RPS6KC1: variants seen among roughly 807,000 people sequenced by gnomAD.
RPS6KC1 encodes the protein inactive ribosomal protein S6 kinase delta-1.
A neutral mutation model predicts 103.8 loss-of-function variants in RPS6KC1; 54 were observed. The observed-to-expected ratio is 0.52, with a 90% CI of 0.42 to 0.65. RPS6KC1 has a LOEUF of 0.65. Ranked by LOEUF, RPS6KC1 falls within the 30% of genes least tolerant of loss-of-function variation. RPS6KC1 has a pLI of 0.00. For synonymous variants in RPS6KC1, 439 were observed against 438.7 expected, an observed-to-expected ratio of 1.00 and a Z score of -0.01; for missense variants, 1,151 against 1,253.8, an observed-to-expected ratio of 0.92 and a Z score of 1.24.
intron 8 of RPS6KC1, among the ~76,000 whole-genome samples, chr1:213,216,206 A>G (rs1239316891): frequency 6.6e-6 from 1 of 152,206 alleles, no homozygotes; most frequent in Non-Finnish European, 1.5e-5. Flanking sequence ...ATGGAAAACA[A>G]AAAAAGGCAG....
chr1:213,266,902 TCAAACAAACAAACAAACAAA>T (rs66700615), intron 14 of RPS6KC1, among the ~76,000 whole-genome samples: 37 of 147,832 alleles, frequency 2.5e-4, no homozygotes, highest in East Asian at 6.0e-4. Context: ...AGGCTCCGTC[TCAAACAAACAAACAAACAAA>T]CAAACAAACA....
the RPS6KC1 span, among the ~76,000 whole-genome samples, chr1:213,672,697 A>C: frequency 1.3e-5 from 2 of 152,160 alleles, no homozygotes; most frequent in Non-Finnish European, 2.9e-5. Context: ...CCACATATAA[A>C]CTAATAATTT....
chr1:213,249,205 G>GAA (rs1013561583), intron 12 of RPS6KC1, among the ~76,000 whole-genome samples: 27 of 152,156 alleles, frequency 1.8e-4, no homozygotes, highest in African/African-American at 6.3e-4. Context: ...TTATAAAGAA[G>GAA]AAAGTGAACT....
intron 3 of RPS6KC1, among the ~76,000 whole-genome samples, chr1:213,085,281 C>G (rs1412214117): frequency 1.3e-5 from 2 of 152,120 alleles, no homozygotes; most frequent in Non-Finnish European, 2.9e-5. Flanking sequence ...TGAAATTGCC[C>G]TCGACTCTCT....
At chr1:213,585,247 CT>C in the RPS6KC1 span, among the ~76,000 whole-genome samples, 1 of 152,210 alleles carries the variant, frequency 6.6e-6, no homozygotes, top group Admixed American at 6.5e-5. Flanking sequence ...CTCTCATTCC[CT>C]AGCCCCATGT....
At chr1:213,287,791 C>T in the RPS6KC1 span, among the ~76,000 whole-genome samples, 4 of 152,142 alleles carry the variant, frequency 2.6e-5, no homozygotes, top group African/African-American at 9.7e-5. Flanking sequence ...GCTGCTGAGG[C>T]AGGAAGTTCC....
the RPS6KC1 span, among the ~76,000 whole-genome samples, chr1:213,651,873 C>G: frequency 1.3e-5 from 2 of 152,286 alleles, no homozygotes; most frequent in South Asian, 4.1e-4. Flanking sequence ...GTGCCGAGCT[C>G]CTTCCCACGT....
At chr1:213,344,378 G>C in the RPS6KC1 span, among the ~76,000 whole-genome samples, 3 of 152,168 alleles carry the variant, frequency 2.0e-5, no homozygotes, top group Admixed American at 6.5e-5. Flanking sequence ...TAAAAGAAGA[G>C]AATTTGGAAA....
chr1:213,506,840 G>A, the RPS6KC1 span, among the ~76,000 whole-genome samples: 1 of 152,144 alleles, frequency 6.6e-6, no homozygotes. Context: ...AATTCCTGGG[G>A]GATTTTAAAA....
chr1:213,269,366 A>G (rs930940649), intron 14 of RPS6KC1, among the ~76,000 whole-genome samples: 1 of 152,232 alleles, frequency 6.6e-6, no homozygotes, highest in Non-Finnish European at 1.5e-5. Context: ...TGGAGGCTCA[A>G]TACCCCATTC....
chr1:213,287,666 G>A, the RPS6KC1 span, among the ~76,000 whole-genome samples: 1 of 152,120 alleles, frequency 6.6e-6, no homozygotes, highest in Non-Finnish European at 1.5e-5. Flanking sequence ...GATACACAAA[G>A]CGCTCTTCTA....
At chr1:213,437,419 TG>T in the RPS6KC1 span, among the ~76,000 whole-genome samples, 3 of 152,086 alleles carry the variant, frequency 2.0e-5, no homozygotes, top group Non-Finnish European at 4.4e-5. Context: ...CTTATATTTT[TG>T]TTAGGACTTT....
At chr1:213,349,194 G>A in the RPS6KC1 span, among the ~76,000 whole-genome samples, 1 of 152,120 alleles carries the variant, frequency 6.6e-6, no homozygotes, top group Non-Finnish European at 1.5e-5. Flanking sequence ...TCTAAGTAAA[G>A]AGAAGAATCA....
the RPS6KC1 span, among the ~76,000 whole-genome samples, chr1:213,580,762 A>C: frequency 6.6e-6 from 1 of 150,558 alleles, no homozygotes; most frequent in African/African-American, 2.4e-5. Flanking sequence ...GATTGTTAGC[A>C]TTTTTTTTTG....
chr1:213,095,959 CGAT>C (rs1558307206), intron 3 of RPS6KC1, among the ~76,000 whole-genome samples: 1 of 152,150 alleles, frequency 6.6e-6, no homozygotes, highest in Non-Finnish European at 1.5e-5. Context: ...AATAAGACAA[CGAT>C]GAGATTTGCT....
intron 6 of RPS6KC1, among the ~76,000 whole-genome samples, chr1:213,142,383 A>C (rs891077928): frequency 2.0e-5 from 3 of 152,056 alleles, no homozygotes; most frequent in Non-Finnish European, 4.4e-5. Flanking sequence ...CTTCTGGTTA[A>C]GAACCATTAC....
At chr1:213,275,579 A>AT (rs964098190), downstream of RPS6KC1, among the ~76,000 whole-genome samples, 25 of 150,256 alleles carry the variant, frequency 1.7e-4, no homozygotes, top group Middle Eastern at 6.9e-3. Context: ...TAATGACAAC[A>AT]TTTTTTTTTT....
the RPS6KC1 span, among the ~76,000 whole-genome samples, chr1:213,561,970 C>A: frequency 9.9e-5 from 15 of 152,122 alleles, no homozygotes; most frequent in Admixed American, 9.8e-4. Flanking sequence ...CTTTCAATAT[C>A]CTTTGAGGCC....
the RPS6KC1 span, among the ~76,000 whole-genome samples, chr1:213,317,373 G>T: frequency 2.6e-3 from 395 of 152,284 alleles, no homozygotes; most frequent in Admixed American, 4.4e-3. Context: ...AAAAAGGTAG[G>T]TCCACTCTGA....
Sources: allele counts gnomAD v4.1 joint callset (sites outside exome capture counted in the v4.1 genomes callset), GRCh38; gene constraint gnomAD v4.1.1; transcripts MANE v1.5; gene names NCBI Gene and HGNC (gene_info 2026-07-23, HGNC 2026-07-21).